ANO3: variants seen among roughly 807,000 people sequenced by gnomAD.
ANO3 encodes anoctamin 3.
In ANO3, 99 loss-of-function variants were observed where a neutral mutation model predicts 144.8. The observed-to-expected ratio is 0.68, with a 90% CI of 0.58 to 0.81. The LOEUF (loss-of-function observed/expected upper bound fraction) is 0.81. Ranked by LOEUF, ANO3 falls within the 30% of genes least tolerant of loss-of-function variation. The pLI is 0.00. For missense variants in ANO3, 905 were observed against 1,202.2 expected, an observed-to-expected ratio of 0.75 and a Z score of 3.66; for synonymous variants, 414 against 392.6, an observed-to-expected ratio of 1.05 and a Z score of -0.64.
intron 1 of ANO3, among the ~76,000 whole-genome samples, chr11:26,322,288 C>T (rs888555552): frequency 5.9e-5 from 9 of 151,996 alleles, no homozygotes; most frequent in African/African-American, 2.2e-4. Flanking sequence ...TTCCATATAC[C>T]TCTCTCCCTG....
intron 3 of ANO3, among the ~76,000 whole-genome samples, chr11:26,445,888 G>A (rs1858684570): frequency 1.3e-5 from 2 of 151,986 alleles, no homozygotes; most frequent in African/African-American, 4.8e-5. Flanking sequence ...CTGGAGTGCA[G>A]TGGTGCGATC....
intron 1 of ANO3, among the ~76,000 whole-genome samples, chr11:26,283,326 ATATATATATATAT>A: frequency 5.2e-5 from 1 of 19,334 alleles, no homozygotes; most frequent in African/African-American, 3.3e-4. Flanking sequence ...AAATAAATAT[ATATATATATATAT>A]ATATATATAT....
At chr11:26,260,350 T>C (rs1399950032) in intron 1 of ANO3, among the ~76,000 whole-genome samples, 1 of 152,206 alleles carries the variant, frequency 6.6e-6, no homozygotes, top group African/African-American at 2.4e-5. Context: ...CTTCACAGCA[T>C]GCCTGTGAAG....
Position 26,538,130 on chromosome 11 carries a change from C to T in ANO3, c.1032+669C>T, listed in dbSNP as rs143922025. 3.7e-3 allele frequency among the ~76,000 whole-genome samples: 570 copies of T among 152,216 alleles called. 1 individual carries two copies. The highest frequency in any genetic ancestry group is 6.8e-3 in the South Asian group (33 of 4,822). The stretch of plus-strand genomic sequence containing the variant: ...AGGCTGAGGAATTTGCAGTCTGGTA[C>T]GACCAATAGTAGATAAAATGTATTG... On this transcript the variant is annotated intron_variant, in intron 10 of 26. Coordinates refer to ENST00000256737, the MANE Select transcript of ANO3 (RefSeq NM_031418.4).
chr11:26,407,498 A>C (rs192529147), intron 1 of ANO3, among the ~76,000 whole-genome samples: 1 of 151,890 alleles, frequency 6.6e-6, no homozygotes, highest in African/African-American at 2.4e-5. Context: ...CTAACTTTAT[A>C]AACTTTTATT....
intron 1 of ANO3, among the ~76,000 whole-genome samples, chr11:26,221,541 C>T (rs374813815): frequency 5.3e-5 from 8 of 152,320 alleles, no homozygotes; most frequent in African/African-American, 1.9e-4. Flanking sequence ...GGTTCCTTAT[C>T]TACTTGTGTT....
intron 18 of ANO3, 34 bp from the exon 19 acceptor site, chr11:26,634,170 T>G (rs1200196700): frequency 7.2e-7 from 1 of 1,379,972 alleles, no homozygotes; most frequent in South Asian, 1.2e-5. Context: ...TCACCTCACC[T>G]CACCTGTGTC....
At position 26,315,874 on chromosome 11, in the gene ANO3, T is replaced by C. The variant is rs542575258; in HGVS notation, c.-3+6155T>C. On this transcript the variant is annotated intron_variant, in intron 1 of 26. Transcript: ENST00000525139. ...AAACCACTGCCTTATAACCTTAAAA[T>C]GTTTGATAGAGGGAAAGATAAACAA... Among the ~76,000 whole-genome samples, 9 of 152,306 alleles carry C rather than the reference T, an allele frequency of 5.9e-5. No individual in the cohort carries two copies. In the East Asian group the frequency reaches 1.7e-3, roughly 29 times the overall value.
chr11:26,192,515 T>A (rs1851497691), intron 1 of ANO3, among the ~76,000 whole-genome samples: 1 of 152,350 alleles, frequency 6.6e-6, no homozygotes, highest in East Asian at 1.9e-4. Context: ...AAGTGTTCCA[T>A]TGTTATCAAA....
chr11:26,200,692 A>G (rs928257837), intron 1 of ANO3, among the ~76,000 whole-genome samples: 1 of 152,176 alleles, frequency 6.6e-6, no homozygotes, highest in Non-Finnish European at 1.5e-5. Context: ...AAAATATTAC[A>G]TGTATGATAT....
intron 1 of ANO3, among the ~76,000 whole-genome samples, chr11:26,350,062 G>A (rs1203532134): frequency 2.0e-5 from 3 of 152,116 alleles, no homozygotes; most frequent in Non-Finnish European, 4.4e-5. Flanking sequence ...AACGGAAGGG[G>A]GAGGAGACAG....
chr11:26,351,640 A>C (rs763684676), intron 1 of ANO3, among the ~76,000 whole-genome samples: 1 of 152,204 alleles, frequency 6.6e-6, no homozygotes, highest in Non-Finnish European at 1.5e-5. Context: ...AGTGAGGTAC[A>C]GAAGCAGCTG....
In ANO3 at chr11:26,652,130, A is replaced by C. The variant is rs147789325; in HGVS notation, c.2577-3995A>C. ...AGACTCTTTGTCTACTCTGCACTGC[A>C]CTCATGCAGCTGCATGCAAATGAAG... On this transcript the variant is annotated intron_variant, in intron 24 of 26. Coordinates refer to ENST00000256737, the MANE Select transcript of ANO3 (RefSeq NM_031418.4). Among the ~76,000 whole-genome samples the C allele has an allele frequency of 3.3e-4, 51 of 152,276 alleles. No individual in the cohort carries two copies. In the East Asian group the frequency reaches 9.1e-3, roughly 27 times the overall value.
chr11:26,557,659 A>G (rs189714421), intron 13 of ANO3, among the ~76,000 whole-genome samples: 117 of 152,294 alleles, frequency 7.7e-4, no homozygotes, highest in African/African-American at 2.7e-3. Flanking sequence ...TTTCTTCAGT[A>G]TAACAAGTGC....
intron 14 of ANO3, among the ~76,000 whole-genome samples, chr11:26,587,697 C>G (rs867869638): frequency 7.6e-4 from 115 of 152,248 alleles, no homozygotes; most frequent in African/African-American, 2.6e-3. Context: ...TGGCTCACAC[C>G]TGCAATCCTA....
chr11:26,550,605 T>A (rs1377015188), intron 12 of ANO3, among the ~76,000 whole-genome samples: 2 of 152,044 alleles, frequency 1.3e-5, no homozygotes, highest in Non-Finnish European at 2.9e-5. Context: ...AGGATTTCCT[T>A]CTTTTCTAAG....
intron 1 of ANO3, among the ~76,000 whole-genome samples, chr11:26,437,985 T>C (rs1310342470): frequency 6.6e-6 from 1 of 152,204 alleles, no homozygotes; most frequent in Admixed American, 6.5e-5. Context: ...CATATTAAGA[T>C]AGCTAAGGAA....
At chr11:26,288,818 T>C (rs1853867968) in intron 1 of ANO3, among the ~76,000 whole-genome samples, 1 of 152,106 alleles carries the variant, frequency 6.6e-6, no homozygotes, top group South Asian at 2.1e-4. Flanking sequence ...AATGGTGCCA[T>C]GGATCTAATA....
chr11:26,461,826 T>C (rs546355780), intron 3 of ANO3, among the ~76,000 whole-genome samples: 19 of 152,172 alleles, frequency 1.2e-4, no homozygotes, highest in African/African-American at 4.3e-4. Flanking sequence ...ACCCACTTTA[T>C]AAAGTTGTCA....
Sources: gnomAD v4.1 joint callset for allele counts (sites outside exome capture counted in the v4.1 genomes callset) on GRCh38, gnomAD v4.1.1 for gene constraint, MANE v1.5 for transcripts, NCBI Gene and HGNC (gene_info 2026-07-23, HGNC 2026-07-21) for gene names.